The following FCAMR variants were observed in gnomAD, a reference collection of about 807,000 sequenced individuals.
The protein encoded by FCAMR is Fc alpha and mu receptor.
In FCAMR, 51 loss-of-function variants were observed where a neutral mutation model predicts 52.2. The observed-to-expected ratio is 0.98, with a 90% CI of 0.78 to 1.23. FCAMR has a LOEUF of 1.23. Among genes scored for constraint, FCAMR ranks in the 50% most tolerant of loss-of-function variants. FCAMR has a pLI of 0.00. For synonymous variants in FCAMR, 282 were observed against 262.0 expected (o/e 1.08, Z -0.74); for missense variants, 719 against 712.6 (o/e 1.01, Z -0.10).
intron 7 of FCAMR, 51 bp downstream of exon 7, chr1:206,959,628 T>G: frequency 6.9e-7 from 1 of 1,455,354 alleles, no homozygotes; most frequent in Admixed American, 1.7e-5. Flanking sequence ...CCTGAGGGTG[T>G]CAGGTGGGAA....
intron 7 of FCAMR, 185 bp from the exon 8 acceptor site, chr1:206,958,861 C>A (rs529008501): frequency 2.8e-6 from 2 of 726,990 alleles, no homozygotes; most frequent in East Asian, 2.7e-5. Flanking sequence ...GGGCCTGGGT[C>A]TGAGAACCTT....
At chr1:206,958,800 C>A in intron 7 of FCAMR, 124 bp from the exon 8 acceptor site, 2 of 1,343,522 alleles carry the variant, frequency 1.5e-6, no homozygotes, top group South Asian at 2.5e-5. Flanking sequence ...GCAATGGAGC[C>A]CTAGTTGGCT....
At chr1:206,963,207 A>G (rs1468943294) in intron 4 of FCAMR, among the ~76,000 whole-genome samples, 1 of 152,014 alleles carries the variant, frequency 6.6e-6, no homozygotes, top group Admixed American at 6.6e-5. Context: ...GTGGTTGCAA[A>G]ATTTTTCACA....
rs1451939616 is a variant in FCAMR at position 206,962,089 on chromosome 1, C to T, written c.652+124G>A. 4 of 957,906 alleles carry T rather than the reference C, an allele frequency of 4.2e-6. No individual in the cohort carries two copies. In the African/African-American group the frequency reaches 4.9e-5, roughly 12 times the overall value. 59.3% of individuals were successfully genotyped at this position (957,906 alleles called of 1,614,324 possible). On this transcript the variant is annotated intron_variant, in intron 5 of 7. Transcript: ENST00000324852. ...CTACTTCTTAAAGTCTTTGCCTTGC[C>T]CCAGCTTTTCATTGTCACTTCCCTA...
intron 4 of FCAMR, 83 bp from the exon 5 acceptor site, chr1:206,962,634 A>G (rs1680558160): frequency 3.3e-6 from 4 of 1,198,922 alleles, no homozygotes; most frequent in South Asian, 3.3e-5. Flanking sequence ...GAACTCTGCC[A>G]GAATTAGGGG....
At chr1:206,961,719 G>A (rs1253273626) in intron 5 of FCAMR, among the ~76,000 whole-genome samples, 1 of 152,248 alleles carries the variant, frequency 6.6e-6, no homozygotes, top group African/African-American at 2.4e-5. Flanking sequence ...CTGGGTGCCT[G>A]ACTTGGGATC....
At chr1:206,962,182 C>T in intron 5 of FCAMR, 31 bp downstream of exon 5, 1 of 1,597,060 alleles carries the variant, frequency 6.3e-7, no homozygotes, top group Non-Finnish European at 8.6e-7. Context: ...CGTGCTTCAC[C>T]AAGCTTGGCC....
chr1:206,959,549 A>G, intron 7 of FCAMR, 130 bp downstream of exon 7: 1 of 665,864 alleles, frequency 1.5e-6, no homozygotes, highest in Non-Finnish European at 2.7e-6. Flanking sequence ...AAGAGTGGTT[A>G]AATGGCTCAG....
chr1:206,960,747 C>T lies in FCAMR; in HGVS notation c.1129G>A (p.Gly377Arg). ...GTTTCTGAGACCAGAGCTGGTGGCCCAATGGTTCCTAGGACCTTTTTGGCT... is the reference window on the plus strand; with the variant it reads ...GTTTCTGAGACCAGAGCTGGTGGCCTAATGGTTCCTAGGACCTTTTTGGCT... ...DAAKKVLGTI[G>R]PPALVSETLA... The change falls in exon 6 of 8, where the codon GGG becomes AGG. Residue 377 changes from glycine (G) to arginine (R), a missense_variant. By Grantham distance (125) the Gly-to-Arg change is moderately radical. Transcript: ENST00000324852. The T allele has an allele frequency of 6.4e-7, 1 of 1,552,344 alleles. No individual in the cohort carries two copies. Among genetic ancestry groups the T allele is most frequent in the Non-Finnish European group, 8.7e-7 (1 of 1,147,144 alleles).
In FCAMR at chr1:206,958,641, T is replaced by C; in HGVS notation, c.1609A>G (p.Thr537Ala). ...EAERVTLIQM[T>A]HFLEVNPQAD... ...TGGGGGTTCACTTCCAGAAAATGTG[T>C]CATCTGAATTAAGGTGACCCTTTCT... Residue 537 changes from threonine (T) to alanine (A), a missense_variant, in exon 8 of 8, where the codon ACA becomes GCA. Coordinates refer to ENST00000324852, the MANE Select transcript of FCAMR (RefSeq NM_001170631.2). 6.2e-7 allele frequency: 1 copy of C among 1,613,920 alleles called. No homozygotes were observed. The highest frequency in any genetic ancestry group is 2.2e-5 in the East Asian group (1 of 44,900).
chr1:206,961,677 GC>G (rs1680513816), intron 5 of FCAMR, among the ~76,000 whole-genome samples: 1 of 152,232 alleles, frequency 6.6e-6, no homozygotes, highest in South Asian at 2.1e-4. Context: ...CTGCCAAGTG[GC>G]CTTTCACAGC....
chr1:206,962,683 C>A, intron 4 of FCAMR, 132 bp from the exon 5 acceptor site: 2 of 721,112 alleles, frequency 2.8e-6, no homozygotes, highest in Non-Finnish European at 4.4e-6. Flanking sequence ...GGAGCAGAAT[C>A]AATATAAAAA....
At chr1:206,962,632 C>T (rs1680558079) in intron 4 of FCAMR, 81 bp from the exon 5 acceptor site, 2 of 1,225,614 alleles carry the variant, frequency 1.6e-6, no homozygotes, top group Non-Finnish European at 2.2e-6. Context: ...CTGAACTCTG[C>T]CAGAATTAGG....
intron 6 of FCAMR, 113 bp downstream of exon 6, chr1:206,960,308 CT>C (rs1353934569): frequency 3.5e-6 from 4 of 1,127,646 alleles, no homozygotes; most frequent in Non-Finnish European, 5.0e-6. Context: ...GTGTATGTCA[CT>C]GTCTTGTGGG....
chr1:206,963,322 C>T (rs1435777198), intron 4 of FCAMR, among the ~76,000 whole-genome samples: 2 of 152,056 alleles, frequency 1.3e-5, no homozygotes, highest in African/African-American at 4.8e-5. Flanking sequence ...AAGGACAATT[C>T]GTAGTTGAAC....
intron 4 of FCAMR, among the ~76,000 whole-genome samples, chr1:206,963,415 C>G (rs1002326013): frequency 6.6e-6 from 1 of 152,174 alleles, no homozygotes; most frequent in Non-Finnish European, 1.5e-5. Flanking sequence ...CTCACTGCCT[C>G]TTCATACCTT....
rs1314519663 is a variant in FCAMR at position 206,960,907 on chromosome 1, T to A, written c.969A>T (p.Thr323=). 6.4e-7 allele frequency: 1 copy of A among 1,552,360 alleles called. No individual in the cohort carries two copies. Among genetic ancestry groups the A allele is most frequent in the Non-Finnish European group, 8.7e-7 (1 of 1,147,144 alleles). ...PSKSRSMSNT[T]EGVWEGTRSS... ...TTCTGGTGCCCTCCCAAACACCTTC[T>A]GTTGTATTGGACATGCTTCTGCTCT... The change falls in exon 6 of 8, where the codon ACA becomes ACT. Residue 323 remains threonine (T), a synonymous_variant. Coordinates refer to ENST00000324852, the MANE Select transcript of FCAMR (RefSeq NM_001170631.2).
Position 206,960,273 on chromosome 1 carries a change from C to G in FCAMR, c.1454+149G>C, listed in dbSNP as rs995928057. 35 of 769,852 alleles carry G rather than the reference C, an allele frequency of 4.5e-5. No individual in the cohort carries two copies. The African/African-American group carries it at 4.9e-4, about 11-fold the overall frequency. The allele number at this position is 769,852 out of a possible 1,614,324, so 47.7% of individuals were successfully genotyped here. Reference sequence around the variant, plus strand: ...CAGGGAGCGTTCTCACAGCAAGGCCCCTTGGGTGAGGGAGGGCATCCGATG... The same window carrying G: ...CAGGGAGCGTTCTCACAGCAAGGCCGCTTGGGTGAGGGAGGGCATCCGATG... On this transcript the variant is annotated intron_variant, in intron 6 of 7. Coordinates refer to ENST00000324852, the MANE Select transcript of FCAMR (RefSeq NM_001170631.2).
chr1:206,959,875 C>T (rs1255540014), intron 6 of FCAMR, 78 bp from the exon 7 acceptor site: 1 of 1,193,826 alleles, frequency 8.4e-7, no homozygotes, highest in African/African-American at 1.5e-5. Flanking sequence ...TACCCACATC[C>T]TTACTTTACA....
Sources: allele counts gnomAD v4.1 joint callset (sites outside exome capture counted in the v4.1 genomes callset), GRCh38; gene constraint gnomAD v4.1.1; transcripts MANE v1.5; gene names NCBI Gene and HGNC (gene_info 2026-07-23, HGNC 2026-07-21).